SPATA7: variants seen among roughly 807,000 people sequenced by gnomAD.
SPATA7 encodes spermatogenesis-associated protein 7.
Under a neutral mutation model 51.8 loss-of-function variants are expected in SPATA7, and 43 were observed. The ratio of observed to expected loss-of-function variants is 0.83; its 90% CI spans 0.65 to 1.07. SPATA7 has a LOEUF of 1.07. Among genes scored for constraint, SPATA7 ranks in the 50% least tolerant of loss-of-function variants. The pLI, the probability that SPATA7 is intolerant of heterozygous loss-of-function variation, is 0.00. For synonymous variants in SPATA7, 230 were observed against 252.8 expected (o/e 0.91, Z 0.86); for missense variants, 683 against 701.3 (o/e 0.97, Z 0.30).
chr14:88,458,619 CTTCT>C (rs2077299552), downstream of SPATA7, among the ~76,000 whole-genome samples: 1 of 151,958 alleles, frequency 6.6e-6, no homozygotes, highest in Non-Finnish European at 1.5e-5. Flanking sequence ...CCCCTCTTTT[CTTCT>C]TTATTAGTCT....
At chr14:88,440,978 C>T (rs901922389), downstream of SPATA7, among the ~76,000 whole-genome samples, 5 of 152,100 alleles carry the variant, frequency 3.3e-5, no homozygotes, top group Admixed American at 6.5e-5. Flanking sequence ...CCTCACTCCC[C>T]GCCTACCCTT....
At chr14:88,470,194 A>G in exon 5 of SPATA7, 1 of 717,444 alleles carries the variant, frequency 1.4e-6, no homozygotes, top group Non-Finnish European at 2.2e-6. Flanking sequence ...CAGCAGAATA[A>G]GGAAAGACTT....
rs996623066 is a variant in SPATA7, at chr14:88,433,908, A to T, written c.1160+696A>T. On this transcript the variant is annotated intron_variant, in intron 10 of 11. Coordinates refer to ENST00000393545, the MANE Select transcript of SPATA7 (RefSeq NM_018418.5). ...AAGCAAACATTTTCATTATTGGTAT[A>T]AAAAGGCATATCAAAAAGACCTAAG... Among the ~76,000 whole-genome samples, 10 of 152,306 alleles carry T rather than the reference A, an allele frequency of 6.6e-5. No homozygotes were observed. The East Asian group carries it at 1.9e-3, about 29-fold the overall frequency.
At chr14:88,466,000 T>G (rs1369993539) in intron 4 of SPATA7, 1 of 152,092 alleles carries the variant, frequency 6.6e-6, no homozygotes, top group Non-Finnish European at 1.5e-5. Flanking sequence ...CAATATGTTC[T>G]TGTCAACGAG....
At chr14:88,431,074 A>G in intron 8 of SPATA7, 98 bp from the exon 9 acceptor site, 1 of 1,078,680 alleles carries the variant, frequency 9.3e-7, no homozygotes, top group South Asian at 1.3e-5. Context: ...AACATCTAAG[A>G]TAAGGGCTAT....
intron 1 of SPATA7, among the ~76,000 whole-genome samples, chr14:88,386,307 T>A (rs955674620): frequency 6.6e-6 from 1 of 152,130 alleles, no homozygotes; most frequent in Non-Finnish European, 1.5e-5. Context: ...CCTGGCGCAT[T>A]TGAAGTGGTC....
chr14:88,445,179 TCTC>T (rs1385177129), intron 3 of SPATA7, among the ~76,000 whole-genome samples: 1 of 151,432 alleles, frequency 6.6e-6, no homozygotes, highest in Non-Finnish European at 1.5e-5. Flanking sequence ...GGTTTGTAGT[TCTC>T]CTTGAAGAGG....
chr14:88,461,699 G>C (rs2077318691), intron 4 of SPATA7, among the ~76,000 whole-genome samples: 1 of 152,014 alleles, frequency 6.6e-6, no homozygotes, highest in South Asian at 2.1e-4. Flanking sequence ...TACGCTCGGT[G>C]GGCTGCACCC....
chr14:88,453,493 A>C (rs1431248422), intron 3 of SPATA7, among the ~76,000 whole-genome samples: 1 of 100,084 alleles, frequency 1.0e-5, no homozygotes, highest in Non-Finnish European at 2.6e-5. Flanking sequence ...TGCCAAGTGA[A>C]CTAATTAGCT....
At chr14:88,445,347 CTT>C (rs2077204301) in intron 3 of SPATA7, among the ~76,000 whole-genome samples, 1 of 151,764 alleles carries the variant, frequency 6.6e-6, no homozygotes, top group Non-Finnish European at 1.5e-5. Context: ...TATCCAGAGA[CTT>C]TGCTGAAGTT....
intron 3 of SPATA7, among the ~76,000 whole-genome samples, chr14:88,395,036 A>AT (rs1367593185): frequency 6.6e-6 from 1 of 151,932 alleles, no homozygotes; most frequent in Non-Finnish European, 1.5e-5. Context: ...TTTTGCAGAT[A>AT]TTTTTTTCCC....
intron 4 of SPATA7, among the ~76,000 whole-genome samples, chr14:88,465,362 G>A (rs949258339): frequency 2.0e-5 from 3 of 152,146 alleles, no homozygotes; most frequent in Non-Finnish European, 2.9e-5. Context: ...AGCTACTCAG[G>A]AGGCTGAGGC....
At position 88,469,793 on chromosome 14, in the gene SPATA7, T is replaced by G; in HGVS notation, c.255-54T>G. 6.3e-7 allele frequency: 1 copy of G among 1,598,068 alleles called. No homozygotes were observed. Among genetic ancestry groups the G allele is most frequent in the Non-Finnish European group, 8.6e-7 (1 of 1,165,578 alleles). On this transcript the variant is annotated intron_variant, in intron 4 of 4. Coordinates refer to the SPATA7 transcript ENST00000556406. This position sits in a 1 kb window ranked among gnomAD's most constrained non-coding sequence, Gnocchi z 4.3. The stretch of plus-strand genomic sequence containing the variant: ...TCCGGCAATGGATGCCTTTCTCACA[T>G]AGACGGCACATCTGAAACAGAACCA...
At position 88,464,145 on chromosome 14, in the gene SPATA7, C is replaced by A. The variant is rs1233806259; in HGVS notation, c.255-5702C>A. Among the ~76,000 whole-genome samples the A allele has an allele frequency of 4.6e-5, 7 of 152,102 alleles. No individual in the cohort carries two copies. The East Asian group carries it at 7.8e-4, about 17-fold the overall frequency. ...GTGAGCCACCACGACCGGCCTTCCT[C>A]ATTTTTCTATAAATAATTTTAGATA... is the stretch of plus-strand genomic sequence containing the variant. On this transcript the variant is annotated intron_variant, in intron 4 of 4. Transcript: ENST00000556406.
chr14:88,394,402 G>T (rs1020328073), intron 3 of SPATA7, among the ~76,000 whole-genome samples: 3 of 152,170 alleles, frequency 2.0e-5, no homozygotes, highest in African/African-American at 7.2e-5. Flanking sequence ...TCATAGAAAT[G>T]GAATCATGTA....
chr14:88,445,324 T>C (rs2077204099), intron 3 of SPATA7, among the ~76,000 whole-genome samples: 1 of 151,296 alleles, frequency 6.6e-6, no homozygotes. Flanking sequence ...GTGATTTTTG[T>C]ACATTGATTT....
intron 4 of SPATA7, chr14:88,468,218 C>T: frequency 6.2e-7 from 1 of 1,610,750 alleles, no homozygotes; most frequent in Non-Finnish European, 8.5e-7. Context: ...GCACCAGCAT[C>T]ATTCTCTGTT....
At chr14:88,393,006 A>G (rs1417941579) in intron 2 of SPATA7, among the ~76,000 whole-genome samples, 6 of 152,156 alleles carry the variant, frequency 3.9e-5, no homozygotes, top group Non-Finnish European at 8.8e-5. Context: ...GGGATTTGGT[A>G]GTCATTGAAT....
At chr14:88,401,742 C>A (rs1463766726) in intron 4 of SPATA7, among the ~76,000 whole-genome samples, 2 of 145,830 alleles carry the variant, frequency 1.4e-5, no homozygotes, top group African/African-American at 5.1e-5. Flanking sequence ...GAGGCTGAGG[C>A]AGTAGGATCA....
Sources: allele counts gnomAD v4.1 joint callset (sites outside exome capture counted in the v4.1 genomes callset), GRCh38; gene constraint gnomAD v4.1.1; non-coding constraint Gnocchi (gnomAD v3.1); transcripts MANE v1.5; gene names NCBI Gene and HGNC (gene_info 2026-07-23, HGNC 2026-07-21).